The following CLRN1 variants were observed in gnomAD, a reference collection of about 807,000 sequenced individuals.
The protein encoded by CLRN1 is clarin 1.
CLRN1 carries 15 observed loss-of-function variants against 18.7 expected under a neutral mutation model. That is an observed-to-expected ratio of 0.80 (90% CI 0.54 to 1.23). The LOEUF (loss-of-function observed/expected upper bound fraction) is 1.23, where lower values mean the gene tolerates loss of function less well. CLRN1 is among the 50% of genes most tolerant of loss of function. CLRN1 has a pLI of 0.00. For missense variants in CLRN1, 311 were observed against 277.5 expected (o/e 1.12, Z -0.86); for synonymous variants, 104 against 102.9 (o/e 1.01, Z -0.07).
chr3:150,961,874 T>A (rs1472688033), intron 1 of CLRN1, among the ~76,000 whole-genome samples: 1 of 152,202 alleles, frequency 6.6e-6, no homozygotes, highest in African/African-American at 2.4e-5. Context: ...CACTCAGGTA[T>A]TGAGCCAAGC....
rs1712812392 is a variant in CLRN1, at chr3:150,926,746, C to T, written c.*1190G>A. ...TATGAGGGCTGCTGAGTACTCAGCA[C>T]CTGTGGTCAGAGGCCTAGTGATCTG... On this transcript the variant is annotated 3_prime_UTR_variant, in exon 3 of 3. Coordinates refer to ENST00000327047, the MANE Select transcript of CLRN1 (RefSeq NM_174878.3). The T allele has an allele frequency of 1.9e-6, 3 of 1,580,656 alleles. No individual in the cohort carries two copies. The highest frequency in any genetic ancestry group is 2.2e-5 in the South Asian group (2 of 90,316).
rs76214028 is a variant in CLRN1, at chr3:150,941,492, T to G, written c.433+90A>C. ...ACTACAGTGTGCATCCATGTATATATGTTAAGATTATAACTTTATATTTAG... is the reference window on the plus strand; with the variant it reads ...ACTACAGTGTGCATCCATGTATATAGGTTAAGATTATAACTTTATATTTAG... On this transcript the variant is annotated intron_variant, in intron 2 of 2. Coordinates refer to ENST00000327047, the MANE Select transcript of CLRN1 (RefSeq NM_174878.3). 5.0e-4 allele frequency: 648 copies of G among 1,304,956 alleles called. 5 individuals carry two copies. In the East Asian group the frequency reaches 0.015, roughly 31 times the overall value. 80.8% of individuals were successfully genotyped at this position (1,304,956 alleles called of 1,614,324 possible).
At chr3:150,930,661 C>A (rs749279439) in intron 2 of CLRN1, among the ~76,000 whole-genome samples, 1 of 151,978 alleles carries the variant, frequency 6.6e-6, no homozygotes, top group South Asian at 2.1e-4. Flanking sequence ...ATCTTTTATT[C>A]GAAAATTGTG....
rs150836330 is a variant in CLRN1, at chr3:150,928,418, T to C, written c.434-217A>G. Among the ~76,000 whole-genome samples the C allele has an allele frequency of 2.6e-3, 395 of 152,314 alleles. 3 individuals carry two copies. Among genetic ancestry groups the C allele is most frequent in the African/African-American group, 9.2e-3 (383 of 41,552 alleles). On this transcript the variant is annotated intron_variant, in intron 2 of 2. Coordinates refer to ENST00000327047, the MANE Select transcript of CLRN1 (RefSeq NM_174878.3). Reference sequence around the variant, plus strand: ...TTCTGCTCTGAGTGAAGAAGATTTGTGTGTGCGTGTAGGAGTGCAGTGGGA... The same window carrying C: ...TTCTGCTCTGAGTGAAGAAGATTTGCGTGTGCGTGTAGGAGTGCAGTGGGA...
intron 1 of CLRN1, among the ~76,000 whole-genome samples, chr3:150,949,074 G>C (rs1236900510): frequency 1.3e-5 from 2 of 152,106 alleles, no homozygotes; most frequent in Admixed American, 1.3e-4. Flanking sequence ...CAACAAATGT[G>C]ATTCATCACA....
chr3:150,943,742 A>G, intron 1 of CLRN1: 5 of 1,609,228 alleles, frequency 3.1e-6, no homozygotes, highest in Non-Finnish European at 4.2e-6. Flanking sequence ...CTGACAACAC[A>G]CTGCTGTCCA....
chr3:150,956,026 A>G (rs899913691), intron 1 of CLRN1, among the ~76,000 whole-genome samples: 1 of 152,200 alleles, frequency 6.6e-6, no homozygotes, highest in African/African-American at 2.4e-5. Flanking sequence ...CTCAGAATAT[A>G]ATGTGTTATA....
intron 1 of CLRN1, among the ~76,000 whole-genome samples, chr3:150,966,583 C>A (rs991839635): frequency 6.6e-6 from 1 of 152,112 alleles, no homozygotes; most frequent in Admixed American, 6.6e-5. Context: ...TTTCTGGAAC[C>A]CACTAATCCA....
At chr3:150,939,035 G>C (rs1270905280) in intron 2 of CLRN1, among the ~76,000 whole-genome samples, 1 of 152,206 alleles carries the variant, frequency 6.6e-6, no homozygotes, top group African/African-American at 2.4e-5. Flanking sequence ...TCAGAAGCTG[G>C]AGCGCTAGAC....
chr3:150,970,310 C>T (rs919550936), intron 1 of CLRN1, among the ~76,000 whole-genome samples: 3 of 152,064 alleles, frequency 2.0e-5, no homozygotes, highest in African/African-American at 4.8e-5. Flanking sequence ...ATGGAAAAAA[C>T]GTGAACCACA....
intron 1 of CLRN1, among the ~76,000 whole-genome samples, chr3:150,966,433 AGAG>A (rs1197858636): frequency 6.6e-6 from 1 of 152,248 alleles, no homozygotes; most frequent in African/African-American, 2.4e-5. Context: ...AAGGCTTGGA[AGAG>A]GAGTTTCTTG....
intron 2 of CLRN1, among the ~76,000 whole-genome samples, chr3:150,940,059 C>T (rs1244367666): frequency 2.0e-5 from 3 of 152,208 alleles, no homozygotes; most frequent in Admixed American, 2.0e-4. Context: ...TTAACATCTC[C>T]TTTCTAGGCT....
intron 1 of CLRN1, among the ~76,000 whole-genome samples, chr3:150,971,029 C>T (rs748747866): frequency 1.3e-5 from 2 of 152,156 alleles, no homozygotes; most frequent in Non-Finnish European, 2.9e-5. Context: ...AATGTAAAGG[C>T]TCCAGAAAAT....
At position 150,953,841 on chromosome 3, in the gene CLRN1, T is replaced by A. The variant is rs144423277; in HGVS notation, c.254-12080A>T. ...CCAAGTACTTTATATATATAAAACA[T>A]AAATTAGCACATTTAATTCTAACAG... On this transcript the variant is annotated intron_variant, in intron 1 of 2. Transcript: ENST00000327047. Among the ~76,000 whole-genome samples, 189 of 152,308 alleles carry A rather than the reference T, an allele frequency of 1.2e-3. 1 individual carries two copies. Among genetic ancestry groups the A allele is most frequent in the African/African-American group, 4.2e-3 (173 of 41,576 alleles).
intron 2 of CLRN1, among the ~76,000 whole-genome samples, chr3:150,931,588 A>G (rs1713148863): frequency 6.6e-6 from 1 of 152,202 alleles, no homozygotes; most frequent in Non-Finnish European, 1.5e-5. Flanking sequence ...GCTGAGGAAT[A>G]GCTGTTTCAA....
chr3:150,958,868 G>T (rs1298969177), intron 1 of CLRN1, among the ~76,000 whole-genome samples: 2 of 152,190 alleles, frequency 1.3e-5, no homozygotes, highest in Non-Finnish European at 2.9e-5. Context: ...AAGTGGAGGT[G>T]GCATGTGTCA....
intron 1 of CLRN1, among the ~76,000 whole-genome samples, chr3:150,952,584 C>T (rs906238447): frequency 6.6e-6 from 1 of 152,166 alleles, no homozygotes; most frequent in Non-Finnish European, 1.5e-5. Flanking sequence ...CCTTCTGGAG[C>T]CTCCCTTACA....
intron 1 of CLRN1, among the ~76,000 whole-genome samples, chr3:150,958,603 GC>G (rs1714869632): frequency 6.6e-6 from 1 of 152,202 alleles, no homozygotes; most frequent in Admixed American, 6.5e-5. Flanking sequence ...ATTTGCTTAT[GC>G]TGTTCATTTA....
intron 1 of CLRN1, chr3:150,945,443 A>G: frequency 8.5e-7 from 1 of 1,177,296 alleles, no homozygotes; most frequent in Admixed American, 2.4e-5. Context: ...ACATGCTGGA[A>G]GGGGGCCAGG....
Sources: allele counts gnomAD v4.1 joint callset (sites outside exome capture counted in the v4.1 genomes callset), GRCh38; gene constraint gnomAD v4.1.1; transcripts MANE v1.5; gene names NCBI Gene and HGNC (gene_info 2026-07-23, HGNC 2026-07-21).